RORA: variants seen among roughly 807,000 people sequenced by gnomAD.
RORA encodes nuclear receptor ROR-alpha.
In RORA, 7 loss-of-function variants were observed where a neutral mutation model predicts 69.5. The observed-to-expected ratio is 0.10, with a 90% confidence interval of 0.06 to 0.19. The LOEUF is 0.19. RORA is among the 10% of genes least tolerant of loss of function. RORA has a pLI of 1.00. For synonymous variants in RORA, 261 were observed against 240.8 expected (o/e 1.08, Z -0.78); for missense variants, 457 against 663.0 (o/e 0.69, Z 3.41).
intron 1 of RORA, chr15:60,848,995 C>T (rs1490767725): frequency 2.0e-5 from 3 of 152,196 alleles, no homozygotes; most frequent in African/African-American, 7.2e-5. Flanking sequence ...TAAGCCAAAA[C>T]ATTTGTGGTT....
intron 1 of RORA, among the ~76,000 whole-genome samples, chr15:60,791,839 G>A (rs1182780512): frequency 6.6e-6 from 1 of 152,046 alleles, no homozygotes; most frequent in Non-Finnish European, 1.5e-5. Flanking sequence ...TATTTTCAGA[G>A]AAACAAACAG....
intron 3 of RORA, chr15:60,528,121 C>G (rs894797106): frequency 6.5e-6 from 1 of 152,718 alleles, no homozygotes. Flanking sequence ...GTGGCACCAT[C>G]ATAGCTCACC....
chr15:61,210,559 A>C (rs2079982184), intron 1 of RORA, among the ~76,000 whole-genome samples: 1 of 152,130 alleles, frequency 6.6e-6, no homozygotes, highest in Non-Finnish European at 1.5e-5. Flanking sequence ...TTCTCAAATG[A>C]CTCCTAATTT....
chr15:61,127,728 A>T (rs1891962489), intron 1 of RORA, among the ~76,000 whole-genome samples: 1 of 152,154 alleles, frequency 6.6e-6, no homozygotes. Flanking sequence ...CAGGCTTCCA[A>T]TATTTTTCAA....
At chr15:60,787,253 T>C (rs1455670498) in intron 1 of RORA, among the ~76,000 whole-genome samples, 1 of 152,172 alleles carries the variant, frequency 6.6e-6, no homozygotes, top group African/African-American at 2.4e-5. Context: ...TCAAGGATGC[T>C]GGGCTGGCTG....
chr15:60,804,690 G>C (rs983651144), intron 1 of RORA, among the ~76,000 whole-genome samples: 3 of 152,190 alleles, frequency 2.0e-5, no homozygotes, highest in African/African-American at 7.2e-5. Flanking sequence ...CGAGGGGTGT[G>C]ACTATAGAAT....
intron 1 of RORA, among the ~76,000 whole-genome samples, chr15:61,190,790 G>A (rs1458256148): frequency 1.3e-5 from 2 of 152,198 alleles, no homozygotes; most frequent in Admixed American, 6.5e-5. Flanking sequence ...AAGGAGAACT[G>A]ACATATCACC....
In RORA at chr15:60,729,832, T is replaced by C. The variant is rs190945969; in HGVS notation, c.167-51146A>G. On this transcript the variant is annotated intron_variant, in intron 1 of 10. Transcript: ENST00000335670. The stretch of plus-strand genomic sequence containing the variant: ...AACTTATACTTTATGTAGTCAGGGT[T>C]AGGGATGGTATTTTCTATGTAATAT... 2.3e-3 allele frequency among the ~76,000 whole-genome samples: 350 copies of C among 152,352 alleles called. 2 individuals are homozygous for C. The highest frequency in any genetic ancestry group is 1.7e-3 in the Non-Finnish European group (118 of 68,032).
At chr15:60,838,891 T>G (rs550731607) in intron 1 of RORA, among the ~76,000 whole-genome samples, 1 of 27,598 alleles carries the variant, frequency 3.6e-5, no homozygotes, top group Non-Finnish European at 2.0e-4. Context: ...CACACACATA[T>G]ACTTTTTTTT....
intron 1 of RORA, among the ~76,000 whole-genome samples, chr15:61,101,104 C>A (rs1459503771): frequency 1.3e-5 from 2 of 152,184 alleles, no homozygotes; most frequent in African/African-American, 2.4e-5. Context: ...TGCTGAAATT[C>A]TTCTCCATGA....
chr15:61,171,012 C>T (rs906296552), intron 1 of RORA, among the ~76,000 whole-genome samples: 4 of 152,192 alleles, frequency 2.6e-5, no homozygotes, highest in Non-Finnish European at 5.9e-5. Context: ...TTAGGTTACA[C>T]AATTTGGTCA....
intron 1 of RORA, among the ~76,000 whole-genome samples, chr15:60,963,045 T>C (rs554831875): frequency 1.8e-4 from 28 of 152,378 alleles, no homozygotes; most frequent in African/African-American, 6.5e-4. Flanking sequence ...ACTACCATGA[T>C]GCCTATAAGC....
At chr15:60,577,509 T>G (rs1005958042) in intron 2 of RORA, among the ~76,000 whole-genome samples, 2 of 152,004 alleles carry the variant, frequency 1.3e-5, no homozygotes, top group Non-Finnish European at 2.9e-5. Flanking sequence ...CCGGGTGTGG[T>G]GGTGCGTGTC....
intron 1 of RORA, among the ~76,000 whole-genome samples, chr15:60,928,697 C>A (rs927492237): frequency 6.6e-6 from 1 of 152,124 alleles, no homozygotes; most frequent in South Asian, 2.1e-4. Context: ...ACAAAGTGAC[C>A]GCCCTAAAGT....
intron 1 of RORA, among the ~76,000 whole-genome samples, chr15:60,776,395 C>A (rs1423679895): frequency 6.6e-6 from 1 of 152,146 alleles, no homozygotes; most frequent in Non-Finnish European, 1.5e-5. Context: ...GGAACTCTGT[C>A]CAGGCATTTA....
chr15:61,215,530 ATAAT>A (rs891154193), intron 1 of RORA, among the ~76,000 whole-genome samples: 1 of 152,240 alleles, frequency 6.6e-6, no homozygotes, highest in Non-Finnish European at 1.5e-5. Context: ...TTGACTTGTC[ATAAT>A]TAATATGTGT....
chr15:60,535,255 T>A (rs766184505), intron 2 of RORA, among the ~76,000 whole-genome samples: 1 of 152,152 alleles, frequency 6.6e-6, no homozygotes, highest in South Asian at 2.1e-4. Context: ...AGCAAAGAGG[T>A]TTATTGTGTA....
intron 1 of RORA, among the ~76,000 whole-genome samples, chr15:60,797,523 C>T (rs2072515518): frequency 6.6e-6 from 1 of 152,140 alleles, no homozygotes; most frequent in Admixed American, 6.5e-5. Flanking sequence ...GCTCATTACA[C>T]ATTCTTTGGG....
At chr15:60,735,640 C>A (rs1242033581) in intron 1 of RORA, among the ~76,000 whole-genome samples, 2 of 151,342 alleles carry the variant, frequency 1.3e-5, no homozygotes, top group Admixed American at 6.6e-5. Flanking sequence ...AAGGTGAGTT[C>A]AAAAATGTTT....
Sources: gnomAD v4.1 joint callset for allele counts (sites outside exome capture counted in the v4.1 genomes callset) on GRCh38, gnomAD v4.1.1 for gene constraint, MANE v1.5 for transcripts, NCBI Gene and HGNC (gene_info 2026-07-23, HGNC 2026-07-21) for gene names.